ZNF670: variants seen among roughly 807,000 people sequenced by gnomAD.
The protein encoded by ZNF670 is zinc finger protein 670.
Under a neutral mutation model 10.9 loss-of-function variants are expected in ZNF670, and 7 were observed. The ratio of observed to expected loss-of-function variants is 0.64; its 90% confidence interval spans 0.36 to 1.20. The LOEUF is 1.20. Among genes scored for constraint, ZNF670 ranks in the 50% most tolerant of loss-of-function variants. The pLI is 0.02. For synonymous variants in ZNF670, 136 were observed against 152.7 expected (o/e 0.89, Z 0.81); for missense variants, 446 against 458.6 (o/e 0.97, Z 0.25).
chr1:247,038,831 T>G lies in ZNF670; in HGVS notation c.170A>C (p.Lys57Thr). 1 of 1,613,128 alleles carries G rather than the reference T, an allele frequency of 6.2e-7. No individual in the cohort carries two copies. The highest frequency in any genetic ancestry group is 1.7e-5 in the Admixed American group (1 of 59,998). The change falls in exon 3 of 4, where the codon AAA (lysine) becomes ACA (threonine). Residue 57 changes from lysine (K) to threonine (T), a missense_variant. Physicochemically the swap from Lys to Thr is moderately conservative, Grantham distance 78. Transcript: ENST00000366503. ...SEDQNIQDDFKNPGRNLSSHV... is the reference protein window; with the variant it reads ...SEDQNIQDDFTNPGRNLSSHV... Reference sequence around the variant, plus strand: ...TTACCTTAGATTTCTCCCAGGATTTTTGAAGTCATCTTGGATATTCTGGTC... The same window carrying G: ...TTACCTTAGATTTCTCCCAGGATTTGTGAAGTCATCTTGGATATTCTGGTC...
At chr1:247,051,490 A>G (rs912701028) in intron 1 of ZNF670, among the ~76,000 whole-genome samples, 10 of 152,146 alleles carry the variant, frequency 6.6e-5, no homozygotes, top group Admixed American at 5.2e-4. Context: ...ATCTGCTGTA[A>G]TCTGATAGGT....
chr1:247,050,549 C>T lies in ZNF670; in HGVS notation c.4-11012G>A, dbSNP rs1670567986. Among the ~76,000 whole-genome samples, 3 of 151,154 alleles carry T rather than the reference C, an allele frequency of 2.0e-5. No homozygotes were observed. The South Asian group carries it at 6.3e-4, about 32-fold the overall frequency. Reference sequence around the variant, plus strand: ...GGAGTGCAGTGGCACCATCTCAGCTCACTGCAACCTCCATCTCCCGGGTTC... The same window carrying T: ...GGAGTGCAGTGGCACCATCTCAGCTTACTGCAACCTCCATCTCCCGGGTTC... On this transcript the variant is annotated intron_variant, in intron 1 of 3. Coordinates refer to ENST00000366503, the MANE Select transcript of ZNF670 (RefSeq NM_033213.5).
In ZNF670 at chr1:247,037,372, G is replaced by A. The variant is rs1272422286; in HGVS notation, c.*77C>T. 6 of 1,466,750 alleles carry A rather than the reference G, an allele frequency of 4.1e-6. No individual in the cohort carries two copies. The highest frequency in any genetic ancestry group is 2.4e-5 in the Admixed American group (1 of 41,298). 90.9% of individuals were successfully genotyped at this position (1,466,750 alleles called of 1,614,324 possible). A position where few individuals can be genotyped will look rare whatever the true frequency, so the allele number is the denominator to read the frequency against. On this transcript the variant is annotated 3_prime_UTR_variant, in exon 4 of 4. Coordinates refer to ENST00000366503, the MANE Select transcript of ZNF670 (RefSeq NM_033213.5). ...ATTTGAGTTTTTAATTTTTTCACGT[G>A]TTCTAATGAAACTAGAATAACTGAA...
rs1457135343 is a variant in ZNF670, at chr1:247,037,509, A to G, written c.1110T>C (p.Cys370=). The G allele has an allele frequency of 6.2e-7, 1 of 1,614,108 alleles. No individual in the cohort carries two copies. The highest frequency in any genetic ancestry group is 1.7e-5 in the Admixed American group (1 of 60,016). ...TGEKPYECKK[C]GKAFSCSSSL... The stretch of plus-strand genomic sequence containing the variant: ...AACTGGAACAACTGAAGGCTTTACC[A>G]CATTTCTTACATTCATAGGGTTTTT... The change falls in exon 4 of 4, where the codon TGT becomes TGC. Residue 370 remains cysteine, a synonymous_variant. Coordinates refer to ENST00000366503, the MANE Select transcript of ZNF670 (RefSeq NM_033213.5).
chr1:247,064,969 C>T lies in ZNF670; in HGVS notation c.3+13625G>A, dbSNP rs562255249. On this transcript the variant is annotated intron_variant, in intron 1 of 3. Coordinates refer to ENST00000366503, the MANE Select transcript of ZNF670 (RefSeq NM_033213.5). ...GACCACAGGTGCGCACCACCATGCCCGGCTAATTTTTGTAGTTTTTGTAGA... is the reference window on the plus strand; with the variant it reads ...GACCACAGGTGCGCACCACCATGCCTGGCTAATTTTTGTAGTTTTTGTAGA... Among the ~76,000 whole-genome samples, 23 of 152,140 alleles carry T rather than the reference C, an allele frequency of 1.5e-4. No homozygotes were observed. The South Asian group carries it at 3.7e-3, about 25-fold the overall frequency.
chr1:247,037,431 T>C lies in ZNF670; in HGVS notation c.*18A>G, dbSNP rs1670183855. On this transcript the variant is annotated 3_prime_UTR_variant, in exon 4 of 4. Transcript: ENST00000366503. ...CACACTTCTTACATTGACAGAGGTG[T>C]TTTGTTGTTGTTGTTTTTTACCACA... is the stretch of plus-strand genomic sequence containing the variant. 9 of 1,573,756 alleles carry C rather than the reference T, an allele frequency of 5.7e-6. No homozygotes were observed. The highest frequency in any genetic ancestry group is 7.7e-6 in the Non-Finnish European group (9 of 1,162,548).
At chr1:247,053,114 G>A (rs1670635360) in intron 1 of ZNF670, among the ~76,000 whole-genome samples, 1 of 152,152 alleles carries the variant, frequency 6.6e-6, no homozygotes, top group Admixed American at 6.5e-5. Flanking sequence ...CATGCAGCCG[G>A]AAAAGCCAGT....
Position 247,038,088 on chromosome 1 carries a change from A to G in ZNF670, c.531T>C (p.Pro177=). The G allele has an allele frequency of 6.2e-7, 1 of 1,614,196 alleles. No homozygotes were observed. Among genetic ancestry groups the G allele is most frequent in the South Asian group, 1.1e-5 (1 of 91,086 alleles). Residue 177 remains proline (P), a synonymous_variant, in exon 4 of 4, where the codon CCT becomes CCC. Coordinates refer to ENST00000366503, the MANE Select transcript of ZNF670 (RefSeq NM_033213.5). ...TTTGAAATACACTAGGAAAATCAAA[A>G]GGCTTCTCATACACTGGACCCTTAT... is the stretch of plus-strand genomic sequence containing the variant. The part of the protein sequence containing the change: ...GPYKGPVYEK[P]FDFPSVFQMP...
chr1:247,039,768 A>C (rs529660285), intron 1 of ZNF670, among the ~76,000 whole-genome samples: 2 of 152,344 alleles, frequency 1.3e-5, no homozygotes, highest in Admixed American at 1.3e-4. Flanking sequence ...CACCTGTCTC[A>C]TTGGCAGGTG....
Position 247,040,771 on chromosome 1 carries a change from C to T in ZNF670, c.4-1234G>A, listed in dbSNP as rs560942673. On this transcript the variant is annotated intron_variant, in intron 1 of 3. Transcript: ENST00000366503. The stretch of plus-strand genomic sequence containing the variant: ...GCAATGGCGTGATCTCGGCTCACCA[C>T]ATCCTCCGCTGCCTCCCAGGTTCAA... Among the ~76,000 whole-genome samples the T allele has an allele frequency of 3.9e-5, 6 of 152,278 alleles. No individual in the cohort carries two copies. The East Asian group carries it at 1.2e-3, about 29-fold the overall frequency.
intron 1 of ZNF670, among the ~76,000 whole-genome samples, chr1:247,041,457 G>A (rs1209292389): frequency 6.6e-6 from 1 of 152,104 alleles, no homozygotes; most frequent in Non-Finnish European, 1.5e-5. Flanking sequence ...CCTTGGTAAT[G>A]AGAAAATAGA....
chr1:247,047,633 G>A (rs1357487375), intron 1 of ZNF670, among the ~76,000 whole-genome samples: 1 of 149,310 alleles, frequency 6.7e-6, no homozygotes, highest in Admixed American at 6.7e-5. Context: ...ATGTGGGCTA[G>A]GCCACTGCAG....
intron 1 of ZNF670, among the ~76,000 whole-genome samples, chr1:247,059,319 G>A (rs942625953): frequency 5.3e-5 from 8 of 151,932 alleles, no homozygotes; most frequent in Admixed American, 3.3e-4. Flanking sequence ...GGTGGAGGGC[G>A]CCTGTAGTCC....
chr1:247,039,132 C>T (rs1670244740), intron 2 of ZNF670, among the ~76,000 whole-genome samples: 1 of 147,284 alleles, frequency 6.8e-6, no homozygotes, highest in Non-Finnish European at 1.5e-5. Context: ...AATCTCGGCT[C>T]ACTGCAACCT....
At chr1:247,071,996 T>G (rs1671127909) in intron 1 of ZNF670, among the ~76,000 whole-genome samples, 1 of 151,616 alleles carries the variant, frequency 6.6e-6, no homozygotes, top group African/African-American at 2.4e-5. Context: ...TAGCTGGGAC[T>G]ACAGGTGCCC....
chr1:247,038,519 T>G, intron 3 of ZNF670, 92 bp from the exon 4 acceptor site: 1 of 1,302,488 alleles, frequency 7.7e-7, no homozygotes, highest in Non-Finnish European at 1.0e-6. Flanking sequence ...CTGCCATATC[T>G]AAATTGTTTT....
intron 1 of ZNF670, among the ~76,000 whole-genome samples, chr1:247,058,296 A>G (rs1397217374): frequency 6.6e-6 from 1 of 152,262 alleles, no homozygotes; most frequent in Admixed American, 6.5e-5. Flanking sequence ...GGTCAAAGAC[A>G]AGTCTCAAGG....
chr1:247,038,228 A>T lies in ZNF670; in HGVS notation c.391T>A (p.Phe131Ile). 6.2e-7 allele frequency: 1 copy of T among 1,614,150 alleles called. No individual in the cohort carries two copies. The highest frequency in any genetic ancestry group is 1.3e-5 in the African/African-American group (1 of 75,050). Reference sequence around the variant, plus strand: ...TTCTCTGGACATTCCTCACACTCAAATAGTTTGTTTCCAATGTGAGACAGG... The same window carrying T: ...TTCTCTGGACATTCCTCACACTCAATTAGTTTGTTTCCAATGTGAGACAGG... ...HILSHIGNKL[F>I]ECEECPEKLY... Residue 131 changes from phenylalanine (F) to isoleucine (I), a missense_variant, in exon 4 of 4, where the codon TTT becomes ATT. By Grantham distance (21) the Phe-to-Ile change is conservative (BLOSUM62 0). Coordinates refer to ENST00000366503, the MANE Select transcript of ZNF670 (RefSeq NM_033213.5).
chr1:247,069,043 G>A lies in ZNF670; in HGVS notation c.3+9551C>T, dbSNP rs1343833291. Among the ~76,000 whole-genome samples, 18 of 149,846 alleles carry A rather than the reference G, an allele frequency of 1.2e-4. No homozygotes were observed. In the South Asian group the frequency reaches 3.3e-3, roughly 28 times the overall value. On this transcript the variant is annotated intron_variant, in intron 1 of 3. Coordinates refer to ENST00000366503, the MANE Select transcript of ZNF670 (RefSeq NM_033213.5). ...ACCAGAGGTGGGGAAAAGTAGTGGC[G>A]AGCTGGAGGAGAGGTGGAGACAGTT... is the stretch of plus-strand genomic sequence containing the variant.
Sources: allele counts gnomAD v4.1 joint callset (sites outside exome capture counted in the v4.1 genomes callset), GRCh38; gene constraint gnomAD v4.1.1; transcripts MANE v1.5; gene names NCBI Gene and HGNC (gene_info 2026-07-23, HGNC 2026-07-21).